VAT1L: variants seen among roughly 807,000 people sequenced by gnomAD.
VAT1L encodes putative NADPH-dependent quinone oxidoreductase VAT1L.
VAT1L carries 34 observed loss-of-function variants against 44.1 expected under a neutral mutation model. The observed-to-expected ratio is 0.77, with a 90% CI of 0.59 to 1.03. The LOEUF (loss-of-function observed/expected upper bound fraction) is 1.03. VAT1L is among the 50% of genes least tolerant of loss of function. The pLI is 0.00. For missense variants in VAT1L, 615 were observed against 538.8 expected (o/e 1.14, Z -1.40); for synonymous variants, 253 against 202.2 (o/e 1.25, Z -2.13).
intron 7 of VAT1L, among the ~76,000 whole-genome samples, chr16:77,914,367 A>G: frequency 6.6e-6 from 1 of 152,214 alleles, no homozygotes. Context: ...AAATAGCATT[A>G]CCATGCATTG....
chr16:77,963,394 T>G (rs1453155594), intron 7 of VAT1L, among the ~76,000 whole-genome samples: 1 of 152,114 alleles, frequency 6.6e-6, no homozygotes, highest in Non-Finnish European at 1.5e-5. Context: ...TGCAAGGGCT[T>G]CTTCTAAAGA....
intron 6 of VAT1L, among the ~76,000 whole-genome samples, chr16:77,880,898 T>C (rs2017146237): frequency 6.6e-6 from 1 of 152,194 alleles, no homozygotes; most frequent in Non-Finnish European, 1.5e-5. Context: ...GAGCTCCAGC[T>C]GCATCCACGT....
At chr16:77,839,711 T>C (rs58536269) in intron 3 of VAT1L, among the ~76,000 whole-genome samples, 1,718 of 152,116 alleles carry the variant, frequency 0.011, 28 homozygotes, top group Middle Eastern at 0.034. Context: ...TATCTTGTCA[T>C]GGGCCCTCCA....
intron 4 of VAT1L, among the ~76,000 whole-genome samples, chr16:77,873,725 T>C (rs1172160816): frequency 6.6e-6 from 1 of 152,040 alleles, no homozygotes; most frequent in African/African-American, 2.4e-5. Context: ...CCGTTTTAGG[T>C]GGAGTGATTA....
At chr16:77,848,122 A>G (rs575318218) in intron 3 of VAT1L, among the ~76,000 whole-genome samples, 4 of 152,308 alleles carry the variant, frequency 2.6e-5, no homozygotes, top group African/African-American at 9.6e-5. Context: ...ACAAACCTAT[A>G]GTTTTGTGTG....
intron 1 of VAT1L, among the ~76,000 whole-genome samples, chr16:77,814,367 C>A (rs1399402441): frequency 1.3e-5 from 2 of 152,310 alleles, no homozygotes; most frequent in East Asian, 3.9e-4. Flanking sequence ...TCTCCATGAC[C>A]TGACAGAATC....
At chr16:77,915,650 C>G (rs992974952) in intron 7 of VAT1L, among the ~76,000 whole-genome samples, 4 of 152,092 alleles carry the variant, frequency 2.6e-5, no homozygotes, top group African/African-American at 9.7e-5. Context: ...GGCAGGAGGC[C>G]CTGTTGTTGG....
At chr16:77,843,175 C>A (rs1265613212) in intron 3 of VAT1L, among the ~76,000 whole-genome samples, 1 of 152,190 alleles carries the variant, frequency 6.6e-6, no homozygotes, top group Non-Finnish European at 1.5e-5. Flanking sequence ...TACCCATCTG[C>A]TCATTGCCTC....
intron 3 of VAT1L, among the ~76,000 whole-genome samples, chr16:77,841,089 T>C (rs2016699758): frequency 3.9e-5 from 6 of 152,200 alleles, no homozygotes; most frequent in Admixed American, 3.9e-4. Context: ...TGTCATTTTT[T>C]TGTTTGTTTG....
Position 77,802,615 on chromosome 16 carries a change from AACACACACACACACACAC to A in VAT1L, c.233+13737_233+13754del, listed in dbSNP as rs57906062. ...GGCAACAGAGCGAGACCCCATCTCAAACACACACACACACACACACACACACACACACACACACACACA... is the reference window on the plus strand; with the variant it reads ...GGCAACAGAGCGAGACCCCATCTCAAACACACACACACACACACACACACA... On this transcript the variant is annotated intron_variant, in intron 1 of 8. Coordinates refer to ENST00000302536, the MANE Select transcript of VAT1L (RefSeq NM_020927.3). Among the ~76,000 whole-genome samples the A allele has an allele frequency of 3.9e-3, 432 of 112,038 alleles. 3 individuals are homozygous for A. The highest frequency in any genetic ancestry group is 8.5e-3 in the Middle Eastern group (2 of 234). 73.5% of individuals were successfully genotyped at this position (112,038 alleles called of 152,430 possible). A position where few individuals can be genotyped will look rare whatever the true frequency, so the allele number is the denominator to read the frequency against.
At chr16:77,941,580 T>C (rs535862868) in intron 7 of VAT1L, among the ~76,000 whole-genome samples, 3 of 152,316 alleles carry the variant, frequency 2.0e-5, no homozygotes, top group South Asian at 2.1e-4. Context: ...TTTAGCTCTT[T>C]GAGAAATTGC....
intron 7 of VAT1L, among the ~76,000 whole-genome samples, chr16:77,942,398 G>T (rs1337546760): frequency 6.6e-6 from 1 of 152,050 alleles, no homozygotes; most frequent in Non-Finnish European, 1.5e-5. Context: ...GATGAGATTT[G>T]GGTGGGGACA....
chr16:77,854,319 CAAAG>C (rs1158083943), intron 3 of VAT1L, among the ~76,000 whole-genome samples: 1 of 151,956 alleles, frequency 6.6e-6, no homozygotes, highest in East Asian at 1.9e-4. Flanking sequence ...CAGTGACAAA[CAAAG>C]AAAAAGAAAA....
At chr16:77,920,737 A>G (rs1429464337) in intron 7 of VAT1L, among the ~76,000 whole-genome samples, 1 of 152,190 alleles carries the variant, frequency 6.6e-6, no homozygotes, top group Non-Finnish European at 1.5e-5. Context: ...AATTGCTTAC[A>G]GTATTCAGTC....
At chr16:77,918,807 C>T (rs912055528) in intron 7 of VAT1L, among the ~76,000 whole-genome samples, 2 of 152,088 alleles carry the variant, frequency 1.3e-5, no homozygotes, top group African/African-American at 2.4e-5. Context: ...AAGGAGCCTT[C>T]CCTTATTGAT....
At chr16:77,915,438 G>T (rs1480308269) in intron 7 of VAT1L, among the ~76,000 whole-genome samples, 1 of 152,154 alleles carries the variant, frequency 6.6e-6, no homozygotes, top group African/African-American at 2.4e-5. Context: ...TCCATCTGGG[G>T]GGAAACAAAT....
intron 1 of VAT1L, among the ~76,000 whole-genome samples, chr16:77,805,712 G>C (rs755745177): frequency 6.6e-6 from 1 of 151,958 alleles, no homozygotes; most frequent in African/African-American, 2.4e-5. Flanking sequence ...CCTGATGCCT[G>C]CCTCTCCGCC....
At chr16:77,882,197 C>T (rs2142459291) in intron 6 of VAT1L, 1 of 152,264 alleles carries the variant, frequency 6.6e-6, no homozygotes, top group South Asian at 2.1e-4. Flanking sequence ...AAAAATTTTT[C>T]AATGTATTCA....
chr16:77,822,410 G>A (rs374761442), intron 2 of VAT1L, among the ~76,000 whole-genome samples: 2 of 152,022 alleles, frequency 1.3e-5, no homozygotes, highest in Non-Finnish European at 2.9e-5. Flanking sequence ...GAGCCACCAC[G>A]CCTGGCCTGG....
Sources: gnomAD v4.1 joint callset for allele counts (sites outside exome capture counted in the v4.1 genomes callset) on GRCh38, gnomAD v4.1.1 for gene constraint, MANE v1.5 for transcripts, NCBI Gene and HGNC (gene_info 2026-07-23, HGNC 2026-07-21) for gene names.